P3H2: variants seen among roughly 807,000 people sequenced by gnomAD.
The protein encoded by P3H2 is prolyl 3-hydroxylase 2, also known as leprecan-like 1.
In P3H2, 80 loss-of-function variants were observed where a neutral mutation model predicts 87.0. The ratio of observed to expected loss-of-function variants is 0.92; its 90% confidence interval spans 0.77 to 1.11. The LOEUF (loss-of-function observed/expected upper bound fraction) is 1.11, where lower values mean the gene tolerates loss of function less well. P3H2 is among the 50% of genes least tolerant of loss of function. P3H2 has a pLI of 0.00. For synonymous variants in P3H2, 367 were observed against 359.3 expected (o/e 1.02, Z -0.24); for missense variants, 1,001 against 923.9 (o/e 1.08, Z -1.08).
intron 1 of P3H2, among the ~76,000 whole-genome samples, chr3:190,071,402 T>G (rs976202356): frequency 2.6e-5 from 4 of 152,216 alleles, no homozygotes; most frequent in Admixed American, 6.5e-5. Context: ...AATCCACTCG[T>G]AGTTCTAGAA....
intron 1 of P3H2, among the ~76,000 whole-genome samples, chr3:190,034,157 C>T (rs754980): frequency 0.57 from 86,337 of 151,932 alleles, 26,923 homozygotes; most frequent in South Asian, 0.71. Context: ...GTGCATAGAC[C>T]TCTTTTATAA....
intron 1 of P3H2, among the ~76,000 whole-genome samples, chr3:190,096,983 C>T (rs957014068): frequency 1.3e-5 from 2 of 152,172 alleles, no homozygotes; most frequent in Non-Finnish European, 2.9e-5. Context: ...GCAACTGTGA[C>T]ATTTTGGCAA....
At chr3:189,992,897 GC>G (rs1723921443) in intron 3 of P3H2, among the ~76,000 whole-genome samples, 3 of 152,100 alleles carry the variant, frequency 2.0e-5, no homozygotes, top group Admixed American at 1.3e-4. Context: ...TTAACACTTT[GC>G]CTATAAAATA....
At chr3:190,115,653 T>C (rs115154299) in intron 1 of P3H2, among the ~76,000 whole-genome samples, 2 of 152,190 alleles carry the variant, frequency 1.3e-5, no homozygotes, top group Non-Finnish European at 2.9e-5. Flanking sequence ...AACTTGTAAG[T>C]AGAAAATAGT....
chr3:189,972,275 C>T (rs1295784653), intron 11 of P3H2, among the ~76,000 whole-genome samples: 2 of 152,154 alleles, frequency 1.3e-5, no homozygotes, highest in Non-Finnish European at 2.9e-5. Context: ...GAACAAATTC[C>T]ATGCGTTTCA....
Position 189,957,899 on chromosome 3 carries a change from T to G in P3H2, c.*13A>C. On this transcript the variant is annotated 3_prime_UTR_variant, in exon 15 of 15. Transcript: ENST00000319332. ...ATTTAAATAAATATTTGATAGAACA[T>G]TCTTTCTCATTTTTATAGCTCATCT... The G allele has an allele frequency of 6.5e-7, 1 of 1,529,762 alleles. No homozygotes were observed. Among genetic ancestry groups the G allele is most frequent in the East Asian group, 2.2e-5 (1 of 44,506 alleles). The allele number at this position is 1,529,762 out of a possible 1,614,324, so 94.8% of individuals were successfully genotyped here.
At chr3:190,097,069 A>T (rs1257366551) in intron 1 of P3H2, among the ~76,000 whole-genome samples, 2 of 152,312 alleles carry the variant, frequency 1.3e-5, no homozygotes, top group Non-Finnish European at 2.9e-5. Context: ...ACAAGCCATT[A>T]AACCTCCGAT....
intron 1 of P3H2, among the ~76,000 whole-genome samples, chr3:190,089,615 C>A (rs368772953): frequency 1.3e-5 from 2 of 152,306 alleles, no homozygotes; most frequent in African/African-American, 4.8e-5. Flanking sequence ...TCATTCTCCA[C>A]CTCCCCTCTT....
rs571150133 is a variant in P3H2 at position 189,987,336 on chromosome 3, G to A, written c.1098+191C>T. 9.2e-5 allele frequency among the ~76,000 whole-genome samples: 14 copies of A among 152,132 alleles called. No individual in the cohort carries two copies. The South Asian group carries it at 1.9e-3, about 20-fold the overall frequency. ...CTAAAAAAAAAATACAAAATTAGCC[G>A]GGTGTGGTGGCATGTGCCTGTAATC... On this transcript the variant is annotated intron_variant, in intron 5 of 14. Transcript: ENST00000319332.
intron 1 of P3H2, among the ~76,000 whole-genome samples, chr3:190,026,455 C>A (rs1725087489): frequency 1.3e-5 from 2 of 152,116 alleles, no homozygotes; most frequent in Non-Finnish European, 2.9e-5. Flanking sequence ...CCACCAAAAC[C>A]AAGATGGCGC....
intron 1 of P3H2, among the ~76,000 whole-genome samples, chr3:190,039,628 C>T (rs1473896238): frequency 1.3e-5 from 2 of 152,236 alleles, no homozygotes; most frequent in Non-Finnish European, 2.9e-5. Flanking sequence ...AAAGTCTTTG[C>T]CTTCCAGGCA....
At chr3:190,026,593 C>A (rs1051864463) in intron 1 of P3H2, among the ~76,000 whole-genome samples, 1 of 152,198 alleles carries the variant, frequency 6.6e-6, no homozygotes, top group Non-Finnish European at 1.5e-5. Context: ...TAATCCACCC[C>A]TTGTTTAGCA....
In P3H2 at chr3:189,988,936, T is replaced by C. The variant is rs768767081; in HGVS notation, c.926A>G (p.Tyr309Cys). The C allele has an allele frequency of 5.6e-6, 9 of 1,614,064 alleles. No individual in the cohort carries two copies. The highest frequency in any genetic ancestry group is 4.5e-5 in the East Asian group (2 of 44,876). Reference protein sequence around the residue: ...SPIENFLPLHYDYLQFAYYRV... With the variant: ...SPIENFLPLHCDYLQFAYYRV... Reference sequence around the variant, plus strand: ...ATAGTAGGCAAACTGTAGGTAATCATAGTGCAGAGGAAGAAAATTCTCGAT... The same window carrying C: ...ATAGTAGGCAAACTGTAGGTAATCACAGTGCAGAGGAAGAAAATTCTCGAT... The change falls in exon 4 of 15, where the codon TAT becomes TGT. Residue 309 changes from tyrosine (Y) to cysteine (C), a missense_variant. By Grantham distance (194) the Tyr-to-Cys change is radical. Transcript: ENST00000319332.
At chr3:190,096,024 C>G (rs13092836) in intron 1 of P3H2, among the ~76,000 whole-genome samples, 1 of 152,266 alleles carries the variant, frequency 6.6e-6, no homozygotes, top group African/African-American at 2.4e-5. Context: ...GATGCCCTAT[C>G]TTGGATTCTG....
At chr3:190,094,294 T>C (rs1321820608) in intron 1 of P3H2, among the ~76,000 whole-genome samples, 1 of 152,258 alleles carries the variant, frequency 6.6e-6, no homozygotes, top group East Asian at 1.9e-4. Flanking sequence ...CTTGAAGTTA[T>C]AGTTTCTATT....
rs71674435 is a variant in P3H2, at chr3:189,973,027, G to GAA, written c.1549-5_1549-4dup. ...GGGACTCGACCTTCATAACCAGACT[G>GAA]AAAAAAAAAAACAAAACATGAGAAA... On this transcript the variant is annotated splice_polypyrimidine_tract_variant and splice_region_variant and intron_variant, in intron 10 of 14. Transcript: ENST00000319332. The GAA allele has an allele frequency of 0.019, 26,979 of 1,395,818 alleles. No individual in the cohort carries two copies. The highest frequency in any genetic ancestry group is 0.041 in the East Asian group (1,569 of 38,114). 86.5% of individuals were successfully genotyped at this position (1,395,818 alleles called of 1,614,324 possible).
intron 14 of P3H2, among the ~76,000 whole-genome samples, chr3:189,959,860 ATGTGTGTG>A (rs75204350): frequency 0.027 from 3,672 of 134,756 alleles, 101 homozygotes; most frequent in African/African-American, 0.074. Flanking sequence ...TGGAGGAGAT[ATGTGTGTG>A]TGTGTGTGTG....
intron 8 of P3H2, among the ~76,000 whole-genome samples, chr3:189,978,933 G>A (rs1308077667): frequency 1.3e-5 from 2 of 152,226 alleles, no homozygotes; most frequent in South Asian, 2.1e-4. Flanking sequence ...TTCTTCCCTC[G>A]TTTATAAAGT....
intron 1 of P3H2, among the ~76,000 whole-genome samples, chr3:190,029,092 A>C (rs1395167062): frequency 6.6e-6 from 1 of 152,192 alleles, no homozygotes; most frequent in South Asian, 2.1e-4. Flanking sequence ...TTCCGGCCTG[A>C]GGTTCTTAAG....
Sources: gnomAD v4.1 joint callset for allele counts (sites outside exome capture counted in the v4.1 genomes callset) on GRCh38, gnomAD v4.1.1 for gene constraint, MANE v1.5 for transcripts, NCBI Gene and HGNC (gene_info 2026-07-23, HGNC 2026-07-21) for gene names.